ITGBL1: variants seen among roughly 807,000 people sequenced by gnomAD.
The protein encoded by ITGBL1 is integrin subunit beta like 1.
Under a neutral mutation model 68.5 loss-of-function variants are expected in ITGBL1, and 51 were observed. The ratio of observed to expected loss-of-function variants is 0.74; its 90% CI spans 0.59 to 0.94. The LOEUF (loss-of-function observed/expected upper bound fraction) is 0.94, where lower values mean the gene tolerates loss of function less well. Among genes scored for constraint, ITGBL1 ranks in the 40% least tolerant of loss-of-function variants. The pLI, the probability that ITGBL1 is intolerant of heterozygous loss-of-function variation, is 0.00. For missense variants in ITGBL1, 649 were observed against 647.4 expected (o/e 1.00, Z -0.03); for synonymous variants, 209 against 227.3 (o/e 0.92, Z 0.72).
Position 101,562,934 on chromosome 13 carries a change from A to G in ITGBL1, c.317-4765A>G, listed in dbSNP as rs188436308. Among the ~76,000 whole-genome samples the G allele has an allele frequency of 4.6e-3, 692 of 151,918 alleles. 3 individuals carry two copies. Among genetic ancestry groups the G allele is most frequent in the African/African-American group, 0.016 (662 of 41,540 alleles). On this transcript the variant is annotated intron_variant, in intron 2 of 10. Transcript: ENST00000376180. Reference sequence around the variant, plus strand: ...CCTTCAGAAATTTAAAAGAAACTGTATTATCATATAATAATGTGATTAAAC... The same window carrying G: ...CCTTCAGAAATTTAAAAGAAACTGTGTTATCATATAATAATGTGATTAAAC...
chr13:101,702,255 T>A (rs1448151649), intron 8 of ITGBL1, among the ~76,000 whole-genome samples: 2 of 152,196 alleles, frequency 1.3e-5, no homozygotes, highest in African/African-American at 4.8e-5. Flanking sequence ...CTCTTTTTAC[T>A]TGTTTAGCCT....
In ITGBL1 at chr13:101,609,186, A is replaced by G. The variant is rs567832567; in HGVS notation, c.1015+10887A>G. 1.6e-4 allele frequency among the ~76,000 whole-genome samples: 24 copies of G among 152,240 alleles called. No individual in the cohort carries two copies. The South Asian group carries it at 5.0e-3, about 32-fold the overall frequency. On this transcript the variant is annotated intron_variant, in intron 7 of 10. Transcript: ENST00000376180. ...TTATGATATCTTAAACTGTATATGC[A>G]TCATACATTTCAGAACATGTCGGGA... is the stretch of plus-strand genomic sequence containing the variant.
intron 2 of ITGBL1, among the ~76,000 whole-genome samples, chr13:101,488,041 C>A (rs1232249524): frequency 2.0e-5 from 3 of 152,106 alleles, no homozygotes; most frequent in Non-Finnish European, 4.4e-5. Flanking sequence ...ATGGGCCTCC[C>A]TCATGATGAG....
intron 6 of ITGBL1, among the ~76,000 whole-genome samples, chr13:101,590,998 G>C (rs1422500940): frequency 1.3e-5 from 2 of 152,024 alleles, no homozygotes; most frequent in South Asian, 4.1e-4. Flanking sequence ...CCGCCTCCTG[G>C]GTTCAAGCAA....
At chr13:101,634,193 G>A (rs992719141) in intron 7 of ITGBL1, among the ~76,000 whole-genome samples, 2 of 152,086 alleles carry the variant, frequency 1.3e-5, no homozygotes, top group Admixed American at 1.3e-4. Context: ...AAATGTTCCA[G>A]TTAAAAATTT....
At chr13:101,592,452 G>A (rs1303022895) in intron 6 of ITGBL1, among the ~76,000 whole-genome samples, 1 of 152,044 alleles carries the variant, frequency 6.6e-6, no homozygotes, top group African/African-American at 2.4e-5. Context: ...AATTAACCAA[G>A]GATGTGAAAG....
chr13:101,598,980 T>C (rs2030178326), intron 7 of ITGBL1, among the ~76,000 whole-genome samples: 1 of 152,192 alleles, frequency 6.6e-6, no homozygotes, highest in Non-Finnish European at 1.5e-5. Flanking sequence ...CAAATGGTAT[T>C]TCTAGTTCTA....
At chr13:101,454,413 C>G (rs868395809) in intron 2 of ITGBL1, among the ~76,000 whole-genome samples, 67 of 104,150 alleles carry the variant, frequency 6.4e-4, no homozygotes, top group Admixed American at 1.5e-3. Context: ...CCCCCCCCCC[C>G]CCAACTCCTG....
chr13:101,695,706 C>T (rs1416519356), intron 8 of ITGBL1, among the ~76,000 whole-genome samples: 1 of 152,038 alleles, frequency 6.6e-6, no homozygotes, highest in Admixed American at 6.6e-5. Context: ...GCAGTGGGGT[C>T]AAGAGACTAA....
intron 7 of ITGBL1, among the ~76,000 whole-genome samples, chr13:101,670,180 A>G (rs1397991595): frequency 6.6e-6 from 1 of 152,146 alleles, no homozygotes; most frequent in Non-Finnish European, 1.5e-5. Context: ...TTTTTTTAAG[A>G]GCCACATATT....
At chr13:101,611,432 T>C (rs2031122486) in intron 7 of ITGBL1, among the ~76,000 whole-genome samples, 1 of 152,202 alleles carries the variant, frequency 6.6e-6, no homozygotes, top group South Asian at 2.1e-4. Flanking sequence ...TCCAAAATTG[T>C]TTTATTCGAA....
At chr13:101,473,871 G>T (rs1253606578) in intron 2 of ITGBL1, among the ~76,000 whole-genome samples, 1 of 152,150 alleles carries the variant, frequency 6.6e-6, no homozygotes. Context: ...TGAAGAGAAG[G>T]ACCCAGTGCT....
intron 4 of ITGBL1, 140 bp from the exon 5 acceptor site, chr13:101,579,147 T>A: frequency 1.2e-6 from 1 of 858,440 alleles, no homozygotes; most frequent in East Asian, 2.6e-5. Context: ...GAAAGCTGTA[T>A]AATTTGATTA....
rs138519761 is a variant in ITGBL1 at position 101,544,472 on chromosome 13, G to T, written c.317-23227G>T. 4.0e-3 allele frequency among the ~76,000 whole-genome samples: 602 copies of T among 152,328 alleles called. 7 individuals are homozygous for T. The highest frequency in any genetic ancestry group is 0.014 in the Middle Eastern group (4 of 294). On this transcript the variant is annotated intron_variant, in intron 2 of 10. Coordinates refer to ENST00000376180, the MANE Select transcript of ITGBL1 (RefSeq NM_004791.3). ...GTGTCAGTCTGCCCCTACTAGGGGG[G>T]TGCCTCCCAGCTAGGCTCCTCGGGG...
chr13:101,510,885 C>G (rs2049105107), intron 2 of ITGBL1, among the ~76,000 whole-genome samples: 1 of 151,982 alleles, frequency 6.6e-6, no homozygotes. Flanking sequence ...CCTATAGATT[C>G]TCGATATGAG....
chr13:101,670,733 G>C (rs138129690), intron 7 of ITGBL1, among the ~76,000 whole-genome samples: 33 of 152,240 alleles, frequency 2.2e-4, no homozygotes, highest in African/African-American at 7.7e-4. Flanking sequence ...TGAAGGATGT[G>C]TCTCTCATCT....
chr13:101,687,913 A>G (rs1475241638), intron 7 of ITGBL1, among the ~76,000 whole-genome samples: 1 of 151,954 alleles, frequency 6.6e-6, no homozygotes, highest in African/African-American at 2.4e-5. Flanking sequence ...TTTCTTTTAA[A>G]TATGTCGTAT....
intron 2 of ITGBL1, among the ~76,000 whole-genome samples, chr13:101,475,076 C>T (rs2048516185): frequency 6.6e-6 from 1 of 152,118 alleles, no homozygotes. Context: ...AAAACATGAC[C>T]TCACCAAACA....
chr13:101,479,867 G>A (rs2048591811), intron 2 of ITGBL1, among the ~76,000 whole-genome samples: 1 of 151,950 alleles, frequency 6.6e-6, no homozygotes, highest in African/African-American at 2.4e-5. Flanking sequence ...AGTGTTGGTG[G>A]GAATGAAAAT....
Sources: gnomAD v4.1 joint callset for allele counts (sites outside exome capture counted in the v4.1 genomes callset) on GRCh38, gnomAD v4.1.1 for gene constraint, MANE v1.5 for transcripts, NCBI Gene and HGNC (gene_info 2026-07-23, HGNC 2026-07-21) for gene names.